Variants in ZBTB44 observed in about 807,000 individuals in gnomAD.
ZBTB44 encodes the protein zinc finger and BTB domain-containing protein 44.
A neutral mutation model predicts 54.0 loss-of-function variants in ZBTB44; 15 were observed. The ratio of observed to expected loss-of-function variants is 0.28; its 90% CI spans 0.19 to 0.43. ZBTB44 has a LOEUF of 0.43. Among genes scored for constraint, ZBTB44 ranks in the 20% least tolerant of loss-of-function variants. The probability of loss-of-function intolerance (pLI) is 1.00; values close to 1 mark genes in which losing one functional copy is unlikely to be tolerated. For missense variants in ZBTB44, 487 were observed against 707.1 expected, an observed-to-expected ratio of 0.69 and a Z score of 3.53; for synonymous variants, 230 against 250.1, an observed-to-expected ratio of 0.92 and a Z score of 0.76.
chr11:130,307,111 T>C (rs1259549564), intron 1 of ZBTB44, among the ~76,000 whole-genome samples: 1 of 148,708 alleles, frequency 6.7e-6, no homozygotes, highest in African/African-American at 2.5e-5. Context: ...TGAATAGCCA[T>C]ACCTAAAGCC....
intron 1 of ZBTB44, among the ~76,000 whole-genome samples, chr11:130,311,362 C>T (rs181381676): frequency 3.5e-4 from 53 of 152,206 alleles, no homozygotes; most frequent in African/African-American, 1.3e-3. Flanking sequence ...GCACACACCA[C>T]CACGCCTGGC....
intron 1 of ZBTB44, among the ~76,000 whole-genome samples, chr11:130,278,652 A>G (rs1053796287): frequency 6.6e-6 from 1 of 152,138 alleles, no homozygotes; most frequent in Non-Finnish European, 1.5e-5. Flanking sequence ...CTCAGTTTGC[A>G]TAATTTCTAT....
intron 5 of ZBTB44, among the ~76,000 whole-genome samples, chr11:130,234,789 G>A (rs1476570787): frequency 6.6e-6 from 1 of 152,066 alleles, no homozygotes; most frequent in African/African-American, 2.4e-5. Flanking sequence ...TAATTTATGT[G>A]TATCCTGCTA....
chr11:130,265,798 A>G (rs1939206666), intron 1 of ZBTB44, among the ~76,000 whole-genome samples: 1 of 152,200 alleles, frequency 6.6e-6, no homozygotes, highest in Non-Finnish European at 1.5e-5. Context: ...GAAGGCTGGG[A>G]GGGATGAGGA....
intron 1 of ZBTB44, among the ~76,000 whole-genome samples, chr11:130,293,470 T>TC (rs897731384): frequency 3.5e-5 from 4 of 113,262 alleles, no homozygotes; most frequent in Non-Finnish European, 6.9e-5. Context: ...AGATCTTGTA[T>TC]CAAAAAAAAA....
chr11:130,233,101 C>T (rs1953942379), intron 7 of ZBTB44: 1 of 508,540 alleles, frequency 2.0e-6, no homozygotes, highest in Non-Finnish European at 3.4e-6. Flanking sequence ...AACACATAAA[C>T]CTATATATAA....
At chr11:130,240,358 T>A (rs1001391432) in intron 2 of ZBTB44, among the ~76,000 whole-genome samples, 1 of 152,112 alleles carries the variant, frequency 6.6e-6, no homozygotes, top group African/African-American at 2.4e-5. Context: ...TATTTTTAAA[T>A]GTTTGTGATT....
chr11:130,300,257 T>C (rs1300342733), intron 1 of ZBTB44, among the ~76,000 whole-genome samples: 7 of 152,168 alleles, frequency 4.6e-5, no homozygotes, highest in Non-Finnish European at 1.5e-5. Context: ...TGTATAATAA[T>C]GTGAATGTAC....
At chr11:130,243,188 C>T (rs558527571) in intron 2 of ZBTB44, among the ~76,000 whole-genome samples, 2 of 152,340 alleles carry the variant, frequency 1.3e-5, no homozygotes, top group Admixed American at 6.5e-5. Flanking sequence ...TTGAAAACTA[C>T]GCCAAGTGGC....
At chr11:130,300,182 T>C (rs1941914659) in intron 1 of ZBTB44, among the ~76,000 whole-genome samples, 1 of 152,174 alleles carries the variant, frequency 6.6e-6, no homozygotes, top group African/African-American at 2.4e-5. Flanking sequence ...GAGTTACTGT[T>C]TAACGAGCAC....
intron 1 of ZBTB44, chr11:130,295,906 G>A (rs1941614247): frequency 1.3e-6 from 2 of 1,504,870 alleles, no homozygotes; most frequent in Non-Finnish European, 9.2e-7. Context: ...GTTGATAATG[G>A]GTGGCAGTAA....
chr11:130,284,932 T>A (rs907328327), intron 1 of ZBTB44: 8 of 152,098 alleles, frequency 5.3e-5, no homozygotes, highest in African/African-American at 1.9e-4. Flanking sequence ...TGGGGGCCAA[T>A]CTCTCTAAAT....
rs200191668 is a variant in ZBTB44, at chr11:130,270,651, T to C, written c.-56-8722A>G. ...GTGGCAGCAGTGAGGATAAAGAAAATGCATCTGAGAAATATTTAGAATGGA... is the reference window on the plus strand; with the variant it reads ...GTGGCAGCAGTGAGGATAAAGAAAACGCATCTGAGAAATATTTAGAATGGA... On this transcript the variant is annotated intron_variant, in intron 1 of 7. Transcript: ENST00000357899. 1.3e-5 allele frequency among the ~76,000 whole-genome samples: 2 copies of C among 152,202 alleles called. 1 individual carries two copies. The highest frequency in any genetic ancestry group is 6.8e-3 in the Middle Eastern group (2 of 294).
At chr11:130,278,179 G>A (rs1940244781) in intron 1 of ZBTB44, among the ~76,000 whole-genome samples, 1 of 152,180 alleles carries the variant, frequency 6.6e-6, no homozygotes, top group African/African-American at 2.4e-5. Flanking sequence ...AGTCGAAAAT[G>A]CATTTAATAT....
intron 2 of ZBTB44, among the ~76,000 whole-genome samples, chr11:130,251,072 T>C (rs1004090479): frequency 6.6e-6 from 1 of 152,158 alleles, no homozygotes; most frequent in Non-Finnish European, 1.5e-5. Context: ...AACTGCTAAC[T>C]AGAATAACCC....
At chr11:130,313,606 AAAGCATT>A in intron 1 of ZBTB44, among the ~76,000 whole-genome samples, 1 of 152,232 alleles carries the variant, frequency 6.6e-6, no homozygotes, top group Non-Finnish European at 1.5e-5. Context: ...ATCTCCAAAT[AAAGCATT>A]AAGAAAATAA....
chr11:130,249,177 A>G (rs986788220), intron 2 of ZBTB44, among the ~76,000 whole-genome samples: 1 of 152,156 alleles, frequency 6.6e-6, no homozygotes, highest in African/African-American at 2.4e-5. Context: ...AAGGATGACT[A>G]TTTCACATGC....
chr11:130,257,456 C>T (rs548385352), intron 2 of ZBTB44, among the ~76,000 whole-genome samples: 16 of 151,988 alleles, frequency 1.1e-4, no homozygotes, highest in African/African-American at 3.9e-4. Context: ...CATGTGAAGA[C>T]GAACGCATAT....
At chr11:130,300,543 G>C (rs1214119962) in intron 1 of ZBTB44, among the ~76,000 whole-genome samples, 1 of 152,020 alleles carries the variant, frequency 6.6e-6, no homozygotes. Flanking sequence ...AAAAAAAGAG[G>C]AAAAAAGTGA....
Sources: gnomAD v4.1 joint callset for allele counts (sites outside exome capture counted in the v4.1 genomes callset) on GRCh38, gnomAD v4.1.1 for gene constraint, MANE v1.5 for transcripts, NCBI Gene and HGNC (gene_info 2026-07-23, HGNC 2026-07-21) for gene names.